The following RNF111 variants were observed in gnomAD, a reference collection of about 807,000 sequenced individuals.
RNF111 encodes ring finger protein 111.
A neutral mutation model predicts 95.1 loss-of-function variants in RNF111; 17 were observed. The observed-to-expected ratio is 0.18, with a 90% CI of 0.12 to 0.27. The LOEUF (loss-of-function observed/expected upper bound fraction) is 0.27, where lower values mean the gene tolerates loss of function less well. Among genes scored for constraint, RNF111 ranks in the 10% least tolerant of loss-of-function variants. The pLI, the probability that RNF111 is intolerant of heterozygous loss-of-function variation, is 1.00. For missense variants in RNF111, 1,189 were observed against 1,210.4 expected (o/e 0.98, Z 0.26); for synonymous variants, 440 against 414.8 (o/e 1.06, Z -0.74).
At chr15:59,018,163 A>G (rs1336851779) in intron 1 of RNF111, among the ~76,000 whole-genome samples, 1 of 152,198 alleles carries the variant, frequency 6.6e-6, no homozygotes, top group Non-Finnish European at 1.5e-5. Flanking sequence ...AATTATTATC[A>G]TTTTCGAGCA....
chr15:59,002,660 G>C (rs1207801917), intron 1 of RNF111, among the ~76,000 whole-genome samples: 1 of 152,004 alleles, frequency 6.6e-6, no homozygotes, highest in African/African-American at 2.4e-5. Flanking sequence ...GTAATCTTCA[G>C]TTCCCTATAG....
intron 1 of RNF111, among the ~76,000 whole-genome samples, chr15:59,029,424 G>A (rs117955606): frequency 2.6e-5 from 4 of 152,300 alleles, no homozygotes; most frequent in East Asian, 1.9e-4. Flanking sequence ...CAGATAGCGC[G>A]TGATGGCTGA....
Position 59,080,974 on chromosome 15 carries a change from G to C in RNF111, c.1987G>C (p.Ala663Pro). ...AAGGCCACTTCATCATCAAGCTTCT[G>C]CCTGCCCGCATTCTCATGGAAACCC... The part of the protein sequence containing the change: ...LTRPLHHQAS[A>P]CPHSHGNPPP... Residue 663 changes from alanine to proline, a missense_variant, in exon 8 of 14, where the codon GCC becomes CCC. By Grantham distance (27) the Ala-to-Pro change is conservative. Around this residue, in one of 2 missense-constraint regions of RNF111, gnomAD observed 1,024 missense variants for 925.9 expected, o/e 1.11. Coordinates refer to ENST00000348370, the MANE Select transcript of RNF111 (RefSeq NM_017610.8). 6.2e-7 allele frequency: 1 copy of C among 1,613,634 alleles called. No homozygotes were observed. The highest frequency in any genetic ancestry group is 1.7e-4 in the Middle Eastern group (1 of 6,060).
intron 6 of RNF111, among the ~76,000 whole-genome samples, chr15:59,075,052 G>C (rs1466379157): frequency 6.6e-6 from 1 of 152,140 alleles, no homozygotes; most frequent in Admixed American, 6.6e-5. Flanking sequence ...AGTTCTTGGT[G>C]CCTAAAGCAA....
At chr15:58,997,799 T>C (rs184635651) in intron 1 of RNF111, among the ~76,000 whole-genome samples, 2 of 150,780 alleles carry the variant, frequency 1.3e-5, no homozygotes, top group Admixed American at 1.3e-4. Context: ...CTGGCGACAG[T>C]GTGAGACTCC....
In RNF111 at chr15:59,031,377, T is replaced by A; in HGVS notation, c.555T>A (p.Pro185=). ...RSHSARSHKW[P]RTETESVSGL... is the part of the protein sequence containing the mutation. ...ATAGTGCACGGTCTCATAAGTGGCC[T>A]CGGACTGAGACAGAATCTGTATCGG... The change falls in exon 2 of 14, where the codon CCT becomes CCA. Residue 185 remains proline, a synonymous_variant. Transcript: ENST00000348370. The A allele has an allele frequency of 1.2e-6, 2 of 1,614,170 alleles. No homozygotes were observed. The highest frequency in any genetic ancestry group is 3.3e-5 in the Admixed American group (2 of 60,012).
intron 10 of RNF111, among the ~76,000 whole-genome samples, chr15:59,087,722 C>T (rs2140219855): frequency 6.6e-6 from 1 of 152,238 alleles, no homozygotes; most frequent in East Asian, 1.9e-4. Context: ...AGGGATTCAT[C>T]TTGCTGTCTC....
chr15:59,010,672 G>A (rs974521546), intron 1 of RNF111, among the ~76,000 whole-genome samples: 3 of 152,104 alleles, frequency 2.0e-5, no homozygotes, highest in African/African-American at 7.2e-5. Flanking sequence ...AGAGTGTTGG[G>A]ATTACAGTCA....
chr15:59,055,764 A>G lies in RNF111; in HGVS notation c.1090A>G (p.Asn364Asp). The G allele has an allele frequency of 6.2e-7, 1 of 1,614,048 alleles. No individual in the cohort carries two copies. Among genetic ancestry groups the G allele is most frequent in the Non-Finnish European group, 8.5e-7 (1 of 1,179,956 alleles). Residue 364 changes from asparagine to aspartate, a missense_variant, in exon 4 of 14, where the codon AAC becomes GAC. This residue lies in a region of RNF111 where 1,024 missense variants were observed against 925.9 expected (regional missense o/e 1.11). Coordinates refer to ENST00000348370, the MANE Select transcript of RNF111 (RefSeq NM_017610.8). ...SHASRPQEPR[N>D]RSRISTVIQP... ...TGCAAGTCGGCCACAGGAGCCACGG[A>G]ACCGCAGTAGGATTTCTACTGTTAT...
intron 6 of RNF111, among the ~76,000 whole-genome samples, chr15:59,068,018 C>T (rs573811432): frequency 2.0e-5 from 3 of 152,130 alleles, no homozygotes; most frequent in Non-Finnish European, 4.4e-5. Context: ...TTGGCAATCA[C>T]GTGGAGTAAA....
chr15:59,007,240 A>G (rs938920018), intron 1 of RNF111, among the ~76,000 whole-genome samples: 29 of 150,854 alleles, frequency 1.9e-4, no homozygotes, highest in South Asian at 6.3e-4. Context: ...TCCTTTCCCC[A>G]TCCCTTGAAG....
chr15:59,057,812 T>A (rs1490937699), intron 4 of RNF111, among the ~76,000 whole-genome samples: 8 of 152,226 alleles, frequency 5.3e-5, no homozygotes, highest in African/African-American at 1.9e-4. Flanking sequence ...TCTCAGTTCA[T>A]CCTAATGACA....
chr15:59,034,927 G>T (rs2041098861), intron 2 of RNF111, among the ~76,000 whole-genome samples: 1 of 152,154 alleles, frequency 6.6e-6, no homozygotes, highest in Admixed American at 6.5e-5. Flanking sequence ...TTAATCCATT[G>T]TCACGCTGCT....
Position 59,049,891 on chromosome 15 carries a change from G to A in RNF111, c.881-2414G>A, listed in dbSNP as rs373262115. 1.7e-4 allele frequency among the ~76,000 whole-genome samples: 26 copies of A among 149,328 alleles called. No homozygotes were observed. The South Asian group carries it at 2.3e-3, about 13-fold the overall frequency. ...TGAGTAGCTGGGATTACAGGTGCGT[G>A]CCACCACACCCGGCTAATTTTTGTG... is the stretch of plus-strand genomic sequence containing the variant. On this transcript the variant is annotated intron_variant, in intron 2 of 13. Transcript: ENST00000348370.
chr15:58,992,227 T>C (rs2038850080), intron 1 of RNF111, among the ~76,000 whole-genome samples: 1 of 152,110 alleles, frequency 6.6e-6, no homozygotes, highest in Non-Finnish European at 1.5e-5. Context: ...GTATTTTTAG[T>C]AGAAACGGTT....
At chr15:59,007,436 C>T (rs1340730101) in intron 1 of RNF111, among the ~76,000 whole-genome samples, 1 of 152,102 alleles carries the variant, frequency 6.6e-6, no homozygotes, top group Non-Finnish European at 1.5e-5. Context: ...GTTTGGTATC[C>T]CGTTGTAGCT....
intron 5 of RNF111, among the ~76,000 whole-genome samples, chr15:59,061,764 T>C (rs1336518483): frequency 1.3e-5 from 2 of 152,220 alleles, no homozygotes; most frequent in African/African-American, 2.4e-5. Context: ...TTCATTTCCT[T>C]AGTACATGCA....
Position 59,030,841 on chromosome 15 carries a change from G to C in RNF111, c.19G>C (p.Glu7Gln), listed in dbSNP as rs1323476542. Residue 7 changes from glutamate to glutamine, a missense_variant, in exon 2 of 14, where the codon GAA becomes CAA. Physicochemically the swap from Glu to Gln is conservative, Grantham distance 29 (BLOSUM62 2). Coordinates refer to ENST00000348370, the MANE Select transcript of RNF111 (RefSeq NM_017610.8). The part of the protein sequence containing the change: MSQWTP[E>Q]YNELYTLKVD... ...GTTTCCCATGTCTCAATGGACTCCT[G>C]AATATAACGAGCTCTACACCTTAAA... 6.3e-7 allele frequency: 1 copy of C among 1,591,118 alleles called. No homozygotes were observed. Among genetic ancestry groups the C allele is most frequent in the Admixed American group, 1.7e-5 (1 of 57,292 alleles).
chr15:59,091,205 G>A (rs1228251687), intron 12 of RNF111, 51 bp downstream of exon 12: 1 of 1,007,612 alleles, frequency 9.9e-7, no homozygotes, highest in South Asian at 1.4e-5. Flanking sequence ...AGGCATAAAT[G>A]TAATATATAC....
Sources: allele counts gnomAD v4.1 joint callset (sites outside exome capture counted in the v4.1 genomes callset), GRCh38; gene constraint gnomAD v4.1.1; regional missense constraint gnomAD v4.1.1; transcripts MANE v1.5; gene names NCBI Gene and HGNC (gene_info 2026-07-23, HGNC 2026-07-21).